The following NTRK2 variants were observed in gnomAD, a reference collection of about 807,000 sequenced individuals.
NTRK2 encodes BDNF/NT-3 growth factors receptor.
NTRK2 carries 13 observed loss-of-function variants against 94.5 expected under a neutral mutation model. The ratio of observed to expected loss-of-function variants is 0.14; its 90% CI spans 0.09 to 0.22. The LOEUF (loss-of-function observed/expected upper bound fraction) is 0.22. NTRK2 is among the 10% of genes least tolerant of loss of function. The probability of loss-of-function intolerance (pLI) is 1.00; values close to 1 mark genes in which losing one functional copy is unlikely to be tolerated. For synonymous variants in NTRK2, 372 were observed against 407.4 expected, an observed-to-expected ratio of 0.91 and a Z score of 1.05; for missense variants, 639 against 1,071.2, an observed-to-expected ratio of 0.60 and a Z score of 5.63.
chr9:84,723,859 T>G, intron 7 of NTRK2, 150 bp downstream of exon 7: 1 of 1,146,850 alleles, frequency 8.7e-7, no homozygotes, highest in Non-Finnish European at 1.3e-6. Context: ...CACTTTCTAC[T>G]TATTCTTAAT....
At chr9:84,964,787 G>A (rs924030730) in intron 17 of NTRK2, among the ~76,000 whole-genome samples, 1 of 152,132 alleles carries the variant, frequency 6.6e-6, no homozygotes, top group African/African-American at 2.4e-5. Flanking sequence ...CACATATGAA[G>A]CCATTTTTTG....
intron 12 of NTRK2, among the ~76,000 whole-genome samples, chr9:84,829,155 C>A (rs370348540): frequency 6.6e-6 from 1 of 152,026 alleles, no homozygotes; most frequent in Admixed American, 6.6e-5. Context: ...GGTGCCACCA[C>A]ACCTGGCTAA....
chr9:84,826,302 C>G (rs1055538426), intron 12 of NTRK2, among the ~76,000 whole-genome samples: 2 of 152,306 alleles, frequency 1.3e-5, no homozygotes, highest in African/African-American at 2.4e-5. Context: ...CTGTATCACT[C>G]CAGTCACTGC....
intron 12 of NTRK2, among the ~76,000 whole-genome samples, chr9:84,841,627 C>G (rs895493176): frequency 1.3e-4 from 20 of 152,154 alleles, no homozygotes; most frequent in African/African-American, 4.6e-4. Context: ...CACTGTCTCC[C>G]GGAGGCCTTC....
chr9:85,024,295 C>T lies in NTRK2; in HGVS notation c.*2858C>T. Reference sequence around the variant, plus strand: ...CATGGTCTGATTTTTAGAAGAGTGGCATCCTCGTTCTAAAATGTAATGATC... The same window carrying T: ...CATGGTCTGATTTTTAGAAGAGTGGTATCCTCGTTCTAAAATGTAATGATC... On this transcript the variant is annotated 3_prime_UTR_variant, in exon 19 of 19. Coordinates refer to ENST00000277120, the MANE Select transcript of NTRK2 (RefSeq NM_006180.6). The T allele has an allele frequency of 1.3e-5, 3 of 232,952 alleles. No homozygotes were observed. The highest frequency in any genetic ancestry group is 2.5e-5 in the Non-Finnish European group (3 of 117,844). 14.4% of individuals were successfully genotyped at this position (232,952 alleles called of 1,614,324 possible).
intron 17 of NTRK2, among the ~76,000 whole-genome samples, chr9:84,956,237 A>G (rs1202748906): frequency 6.6e-6 from 1 of 152,170 alleles, no homozygotes; most frequent in East Asian, 1.9e-4. Flanking sequence ...TAGCTTGGTG[A>G]GATGGAAGAA....
intron 14 of NTRK2, among the ~76,000 whole-genome samples, chr9:84,921,537 T>C (rs923854034): frequency 2.0e-5 from 3 of 152,074 alleles, no homozygotes; most frequent in East Asian, 1.9e-4. Context: ...AGAGAAAGGG[T>C]TATTTGACTT....
chr9:84,952,261 ATCCTCTCTGCTG>A (rs1823553985), intron 16 of NTRK2, among the ~76,000 whole-genome samples: 1 of 152,182 alleles, frequency 6.6e-6, no homozygotes, highest in Non-Finnish European at 1.5e-5. Context: ...CCACTCTGCC[ATCCTCTCTGCTG>A]AGGTGCTTGT....
chr9:84,751,295 T>C (rs757476290), intron 11 of NTRK2, among the ~76,000 whole-genome samples: 2 of 152,204 alleles, frequency 1.3e-5, no homozygotes, highest in Admixed American at 6.5e-5. Flanking sequence ...TCAAGAATTA[T>C]CGGGCTGGAT....
In NTRK2 at chr9:84,727,953, G is replaced by A; in HGVS notation, c.1153G>A (p.Asp385Asn). ...TCACTTCATGGGCTGGCCTGGAATT[G>A]ACGATGGTGAGTAACTGACACTTTT... is the stretch of plus-strand genomic sequence containing the variant. ...SAHFMGWPGIDDGANPNYPDV... is the reference protein window; with the variant it reads ...SAHFMGWPGINDGANPNYPDV... The change falls in exon 9 of 19, where the codon GAC (aspartate) becomes AAC (asparagine). Residue 385 changes from aspartate (D) to asparagine (N), a missense_variant. Asp to Asn is a conservative substitution (Grantham distance 23, BLOSUM62 1). This residue lies in a region of NTRK2 where 343 missense variants were observed against 571.5 expected (regional missense o/e 0.60). Transcript: ENST00000277120. The A allele has an allele frequency of 1.2e-6, 2 of 1,614,030 alleles. No individual in the cohort carries two copies. Among genetic ancestry groups the A allele is most frequent in the Non-Finnish European group, 1.7e-6 (2 of 1,179,908 alleles).
At chr9:84,951,227 A>G (rs1185444720) in intron 16 of NTRK2, among the ~76,000 whole-genome samples, 1 of 152,198 alleles carries the variant, frequency 6.6e-6, no homozygotes, top group African/African-American at 2.4e-5. Context: ...TTAGGAATAT[A>G]TAGCCGATTT....
chr9:84,821,815 T>TAGAGAGAGAGAGAGAG (rs55923826), intron 12 of NTRK2, among the ~76,000 whole-genome samples: 1 of 147,368 alleles, frequency 6.8e-6, no homozygotes, highest in East Asian at 2.0e-4. Flanking sequence ...GGGAGAGAAG[T>TAGAGAGAGAGAGAGAG]AGAGAGAGAG....
At chr9:84,974,730 C>T (rs967985624) in intron 17 of NTRK2, among the ~76,000 whole-genome samples, 5 of 152,188 alleles carry the variant, frequency 3.3e-5, no homozygotes, top group African/African-American at 1.2e-4. Flanking sequence ...TTGGTTTCCA[C>T]CCTTGGTTTC....
At chr9:84,970,415 CAAT>C (rs772056150) in intron 17 of NTRK2, among the ~76,000 whole-genome samples, 5 of 151,292 alleles carry the variant, frequency 3.3e-5, no homozygotes, top group African/African-American at 4.9e-5. Flanking sequence ...TAAAAAATGG[CAAT>C]AATAATAATA....
At chr9:84,874,130 T>A in intron 14 of NTRK2, 1 of 1,064,884 alleles carries the variant, frequency 9.4e-7, no homozygotes, top group Middle Eastern at 4.2e-4. Context: ...CCAATCAAGC[T>A]ACGCCCCCAT....
At chr9:84,801,656 C>G (rs925134087) in intron 12 of NTRK2, among the ~76,000 whole-genome samples, 3 of 152,088 alleles carry the variant, frequency 2.0e-5, no homozygotes, top group African/African-American at 7.2e-5. Context: ...TTAAGGCAGG[C>G]CAGGCTATGC....
intron 12 of NTRK2, among the ~76,000 whole-genome samples, chr9:84,799,237 CT>C (rs2070074252): frequency 6.6e-6 from 1 of 152,054 alleles, no homozygotes; most frequent in South Asian, 2.1e-4. Flanking sequence ...CACCAAAGAT[CT>C]ACTCTGTGCC....
At chr9:84,877,644 G>T in intron 14 of NTRK2, 1 of 1,064,790 alleles carries the variant, frequency 9.4e-7, no homozygotes, top group South Asian at 4.5e-5. Context: ...TCTGTTGATT[G>T]CTAAATGTTG....
chr9:84,737,679 T>C (rs2063350322), intron 9 of NTRK2, among the ~76,000 whole-genome samples: 1 of 152,114 alleles, frequency 6.6e-6, no homozygotes, highest in South Asian at 2.1e-4. Flanking sequence ...GGGGTGCATG[T>C]ACAGGTTTGT....
Sources: allele counts gnomAD v4.1 joint callset (sites outside exome capture counted in the v4.1 genomes callset), GRCh38; gene constraint gnomAD v4.1.1; regional missense constraint gnomAD v4.1.1; transcripts MANE v1.5; gene names NCBI Gene and HGNC (gene_info 2026-07-23, HGNC 2026-07-21).